HS6ST1: variants seen among roughly 807,000 people sequenced by gnomAD.
HS6ST1 encodes the protein heparan-sulfate 6-O-sulfotransferase 1.
Under a neutral mutation model 25.2 loss-of-function variants are expected in HS6ST1, and 3 were observed. That is an observed-to-expected ratio of 0.12 (90% CI 0.05 to 0.31). HS6ST1 has a LOEUF of 0.31. Among genes scored for constraint, HS6ST1 ranks in the 10% least tolerant of loss-of-function variants. The pLI, the probability that HS6ST1 is intolerant of heterozygous loss-of-function variation, is 1.00. For synonymous variants in HS6ST1, 204 were observed against 275.1 expected (o/e 0.74, Z 2.56); for missense variants, 310 against 609.6 (o/e 0.51, Z 5.18).
chr2:128,299,251 A>G (rs1694086551), intron 1 of HS6ST1, among the ~76,000 whole-genome samples: 1 of 152,190 alleles, frequency 6.6e-6, no homozygotes, highest in Non-Finnish European at 1.5e-5. Flanking sequence ...ACAGCATGGG[A>G]GGTGGTGTTC....
intron 1 of HS6ST1, among the ~76,000 whole-genome samples, chr2:128,289,079 T>C (rs1693909874): frequency 6.6e-6 from 1 of 152,136 alleles, no homozygotes; most frequent in Non-Finnish European, 1.5e-5. Context: ...ATGTAGACTA[T>C]TCTTCCCCAG....
intron 1 of HS6ST1, among the ~76,000 whole-genome samples, chr2:128,269,443 C>A (rs1407347750): frequency 2.6e-5 from 4 of 152,194 alleles, no homozygotes; most frequent in Non-Finnish European, 5.9e-5. Flanking sequence ...GACACCAACG[C>A]ATTGCACAGT....
In HS6ST1 at chr2:128,274,742, C is replaced by T. The variant is rs141598548; in HGVS notation, c.528-5872G>A. Among the ~76,000 whole-genome samples, 720 of 152,048 alleles carry T rather than the reference C, an allele frequency of 4.7e-3. 5 individuals carry two copies. The highest frequency in any genetic ancestry group is 0.016 in the African/African-American group (656 of 41,472). On this transcript the variant is annotated intron_variant, in intron 1 of 1. Coordinates refer to ENST00000259241, the MANE Select transcript of HS6ST1 (RefSeq NM_004807.3). ...CTGTAATCCCAACACTTTGGGAGGC[C>T]GAGGTGGGTGGATCACTTGAGGTCA...
chr2:128,279,818 C>A (rs2104916665), intron 1 of HS6ST1, among the ~76,000 whole-genome samples: 1 of 152,286 alleles, frequency 6.6e-6, no homozygotes, highest in Non-Finnish European at 1.5e-5. Context: ...AACCTGGACT[C>A]CAAGGGCACC....
At chr2:128,285,323 G>A (rs966667256) in intron 1 of HS6ST1, among the ~76,000 whole-genome samples, 6 of 152,140 alleles carry the variant, frequency 3.9e-5, no homozygotes, top group Admixed American at 6.5e-5. Flanking sequence ...GGTTCTGGGC[G>A]CACCCCACTC....
intron 1 of HS6ST1, among the ~76,000 whole-genome samples, chr2:128,271,317 GC>G (rs1258724125): frequency 6.6e-6 from 1 of 152,172 alleles, no homozygotes. Flanking sequence ...CTTAGAGCCT[GC>G]TGGTCATGTC....
At chr2:128,301,922 G>A (rs1046213022) in intron 1 of HS6ST1, among the ~76,000 whole-genome samples, 14 of 152,320 alleles carry the variant, frequency 9.2e-5, no homozygotes, top group Non-Finnish European at 1.8e-4. Context: ...TCTCCCTAGT[G>A]GGAACAGCTC....
intron 1 of HS6ST1, among the ~76,000 whole-genome samples, chr2:128,309,022 T>A (rs1284275047): frequency 2.0e-5 from 3 of 152,324 alleles, no homozygotes; most frequent in Admixed American, 2.0e-4. Context: ...ATTTTACAGA[T>A]GGGGAACCTG....
chr2:128,279,649 C>T (rs1467130325), intron 1 of HS6ST1, among the ~76,000 whole-genome samples: 5 of 152,070 alleles, frequency 3.3e-5, no homozygotes, highest in East Asian at 1.9e-4. Context: ...AGGTCAGGCA[C>T]GGTGATGCAC....
rs1693512737 is a variant in HS6ST1 at position 128,266,340 on chromosome 2, CACT to C, written c.*1819_*1821del. The C allele has an allele frequency of 6.6e-6, 1 of 152,390 alleles. No homozygotes were observed. The highest frequency in any genetic ancestry group is 2.4e-5 in the African/African-American group (1 of 41,474). 9.4% of individuals were successfully genotyped at this position (152,390 alleles called of 1,614,324 possible). A position where few individuals can be genotyped will look rare whatever the true frequency, so the allele number is the denominator to read the frequency against. On this transcript the variant is annotated 3_prime_UTR_variant, in exon 2 of 2. Coordinates refer to ENST00000259241, the MANE Select transcript of HS6ST1 (RefSeq NM_004807.3). ...TGACCTCCCTTTGAAAGAACCACAC[CACT>C]AAATCCCCTTGGCACTCACTTCCTT...
chr2:128,282,747 G>A (rs563221490), intron 1 of HS6ST1, among the ~76,000 whole-genome samples: 5 of 152,208 alleles, frequency 3.3e-5, no homozygotes, highest in Admixed American at 1.3e-4. Context: ...CAGGGAAGAC[G>A]CTTGTGCCTG....
At chr2:128,284,241 C>G (rs978564313) in intron 1 of HS6ST1, among the ~76,000 whole-genome samples, 1 of 152,200 alleles carries the variant, frequency 6.6e-6, no homozygotes, top group Non-Finnish European at 1.5e-5. Flanking sequence ...TCGGCTCCAC[C>G]CTCCGATGGC....
chr2:128,276,860 T>C (rs1319850411), intron 1 of HS6ST1, among the ~76,000 whole-genome samples: 4 of 151,674 alleles, frequency 2.6e-5, no homozygotes, highest in Non-Finnish European at 4.4e-5. Flanking sequence ...TCCTCTCCCC[T>C]CTCCTCCCCT....
intron 1 of HS6ST1, among the ~76,000 whole-genome samples, chr2:128,313,958 AT>A (rs1237049240): frequency 6.7e-6 from 1 of 149,062 alleles, no homozygotes; most frequent in East Asian, 1.9e-4. Flanking sequence ...AAAAAAAAGG[AT>A]TTTTTATCTA....
chr2:128,268,777 C>T lies in HS6ST1; in HGVS notation c.621G>A (p.Ser207=), dbSNP rs1055575. ...HVQRGATWKT[S]LHMCDGRTPT... ...GCGTGCGCCCATCACACATATGCAA[C>T]GACGTCTTCCACGTGGCACCCCTCT... Residue 207 remains serine, a synonymous_variant, in exon 2 of 2, where the codon TCG becomes TCA. Coordinates refer to ENST00000259241, the MANE Select transcript of HS6ST1 (RefSeq NM_004807.3). The T allele has an allele frequency of 3.3e-5, 54 of 1,612,548 alleles. No individual in the cohort carries two copies. Among genetic ancestry groups the T allele is most frequent in the East Asian group, 1.6e-4 (7 of 44,892 alleles).
chr2:128,305,965 A>G (rs1418553540), intron 1 of HS6ST1, among the ~76,000 whole-genome samples: 1 of 152,074 alleles, frequency 6.6e-6, no homozygotes, highest in African/African-American at 2.4e-5. Flanking sequence ...CTGGGGAGTG[A>G]CCTGCCTGCG....
chr2:128,294,669 GGC>G (rs1268247854), intron 1 of HS6ST1, among the ~76,000 whole-genome samples: 2 of 127,014 alleles, frequency 1.6e-5, no homozygotes, highest in Admixed American at 1.7e-4. Flanking sequence ...AAAGAAGGGA[GGC>G]GTGTGTGTGT....
intron 1 of HS6ST1, among the ~76,000 whole-genome samples, chr2:128,305,720 G>A (rs540689487): frequency 2.0e-5 from 3 of 152,364 alleles, no homozygotes; most frequent in Admixed American, 1.3e-4. Context: ...TGCTCTGCCT[G>A]CCCTTGATCC....
rs1232921041 is a variant in HS6ST1, at chr2:128,266,327, G to C, written c.*1835C>G. 1 of 152,330 alleles carries C rather than the reference G, an allele frequency of 6.6e-6. No individual in the cohort carries two copies. 9.4% of individuals were successfully genotyped at this position (152,330 alleles called of 1,614,324 possible). A position where few individuals can be genotyped will look rare whatever the true frequency, so the allele number is the denominator to read the frequency against. ...TTCCCATTGACCCTGACCTCCCTTT[G>C]AAAGAACCACACCACTAAATCCCCT... On this transcript the variant is annotated 3_prime_UTR_variant, in exon 2 of 2. Coordinates refer to ENST00000259241, the MANE Select transcript of HS6ST1 (RefSeq NM_004807.3).
Sources: allele counts gnomAD v4.1 joint callset (sites outside exome capture counted in the v4.1 genomes callset), GRCh38; gene constraint gnomAD v4.1.1; transcripts MANE v1.5; gene names NCBI Gene and HGNC (gene_info 2026-07-23, HGNC 2026-07-21).